The following MDGA2 variants were observed in gnomAD, a reference collection of about 807,000 sequenced individuals.
MDGA2 encodes the protein MAM domain containing glycosylphosphatidylinositol anchor 2.
A neutral mutation model predicts 117.8 loss-of-function variants in MDGA2; 40 were observed. The ratio of observed to expected loss-of-function variants is 0.34; its 90% CI spans 0.26 to 0.44. The LOEUF is 0.44. MDGA2 is among the 20% of genes least tolerant of loss of function. The probability of loss-of-function intolerance (pLI) is 1.00; values close to 1 mark genes in which losing one functional copy is unlikely to be tolerated. For missense variants in MDGA2, 1,123 were observed against 1,250.6 expected (o/e 0.90, Z 1.54); for synonymous variants, 452 against 439.0 (o/e 1.03, Z -0.37).
intron 1 of MDGA2, among the ~76,000 whole-genome samples, chr14:47,322,972 G>A (rs1199194789): frequency 1.3e-5 from 2 of 151,610 alleles, no homozygotes; most frequent in South Asian, 2.1e-4. Context: ...GGTATTAATA[G>A]AAATTCTGTA....
At chr14:47,418,455 T>C (rs1892516929) in intron 1 of MDGA2, among the ~76,000 whole-genome samples, 1 of 152,170 alleles carries the variant, frequency 6.6e-6, no homozygotes, top group Admixed American at 6.5e-5. Flanking sequence ...CAGGCTGTGG[T>C]AGTACCCACT....
chr14:47,496,197 G>A (rs1894277863), intron 1 of MDGA2, among the ~76,000 whole-genome samples: 1 of 152,038 alleles, frequency 6.6e-6, no homozygotes, highest in Non-Finnish European at 1.5e-5. Flanking sequence ...ACAAGCAGGT[G>A]GAAGAAGGAA....
chr14:47,345,911 A>T (rs1020153083), intron 1 of MDGA2, among the ~76,000 whole-genome samples: 3 of 152,082 alleles, frequency 2.0e-5, no homozygotes, highest in Admixed American at 1.3e-4. Flanking sequence ...AAAAAGTAGA[A>T]CAGAGGACAC....
intron 10 of MDGA2, among the ~76,000 whole-genome samples, chr14:46,899,733 C>A (rs1883213340): frequency 6.6e-6 from 1 of 151,952 alleles, no homozygotes; most frequent in Non-Finnish European, 1.5e-5. Context: ...TGCTAGTTGG[C>A]AAAATATAGC....
chr14:46,857,169 A>G (rs975494827), intron 14 of MDGA2, among the ~76,000 whole-genome samples: 1 of 152,226 alleles, frequency 6.6e-6, no homozygotes, highest in Non-Finnish European at 1.5e-5. Flanking sequence ...AAATTATAAG[A>G]AGAAAGGAAA....
chr14:47,315,948 C>A (rs1594791266), intron 1 of MDGA2, among the ~76,000 whole-genome samples: 2 of 146,524 alleles, frequency 1.4e-5, no homozygotes, highest in Admixed American at 6.8e-5. Context: ...AAACAAAAAA[C>A]AAACAAAAAA....
intron 4 of MDGA2, among the ~76,000 whole-genome samples, chr14:47,135,960 T>A (rs963558164): frequency 1.3e-5 from 2 of 152,008 alleles, no homozygotes; most frequent in Non-Finnish European, 2.9e-5. Context: ...TTGGAAAAGG[T>A]CATATTAGAG....
At chr14:47,606,822 G>A (rs1377479332) in intron 1 of MDGA2, among the ~76,000 whole-genome samples, 2 of 152,126 alleles carry the variant, frequency 1.3e-5, no homozygotes, top group Non-Finnish European at 2.9e-5. Flanking sequence ...GAAGCACAGA[G>A]AATTTTGTAA....
intron 3 of MDGA2, among the ~76,000 whole-genome samples, chr14:47,172,154 T>C (rs961838774): frequency 1.3e-5 from 2 of 152,134 alleles, no homozygotes; most frequent in Non-Finnish European, 2.9e-5. Context: ...AAGCTCCGAC[T>C]GGGTGGAGCC....
intron 5 of MDGA2, among the ~76,000 whole-genome samples, chr14:47,131,195 C>T (rs1882187867): frequency 1.3e-5 from 2 of 152,002 alleles, no homozygotes; most frequent in South Asian, 4.1e-4. Context: ...TACCGTTATT[C>T]TGGGGTCTAT....
At chr14:47,003,759 A>AT (rs1411768207) in intron 8 of MDGA2, among the ~76,000 whole-genome samples, 10 of 152,048 alleles carry the variant, frequency 6.6e-5, no homozygotes, top group African/African-American at 2.2e-4. Context: ...TTCAAACAGC[A>AT]GAAGTTTATG....
At chr14:47,573,951 G>A (rs1056299419) in intron 1 of MDGA2, among the ~76,000 whole-genome samples, 1 of 152,074 alleles carries the variant, frequency 6.6e-6, no homozygotes, top group Non-Finnish European at 1.5e-5. Context: ...TCTATGGACT[G>A]CATCAAAAGT....
chr14:47,325,747 TAC>T (rs1163565686), intron 1 of MDGA2, among the ~76,000 whole-genome samples: 1 of 151,774 alleles, frequency 6.6e-6, no homozygotes, highest in Non-Finnish European at 1.5e-5. Flanking sequence ...GATAATGGAG[TAC>T]AGTGAAGAAA....
At chr14:47,271,240 TC>T (rs1888134205) in intron 2 of MDGA2, among the ~76,000 whole-genome samples, 1 of 152,176 alleles carries the variant, frequency 6.6e-6, no homozygotes, top group Non-Finnish European at 1.5e-5. Context: ...TCGAATTCCT[TC>T]TTTTTATTTT....
At chr14:46,916,657 G>A (rs139284267) in intron 10 of MDGA2, among the ~76,000 whole-genome samples, 86 of 152,110 alleles carry the variant, frequency 5.7e-4, no homozygotes, top group Admixed American at 1.4e-3. Context: ...GAAAAAAAGA[G>A]GCGTGTGTCT....
intron 1 of MDGA2, among the ~76,000 whole-genome samples, chr14:47,534,702 C>T (rs2097233283): frequency 6.6e-6 from 1 of 152,178 alleles, no homozygotes; most frequent in Admixed American, 6.5e-5. Context: ...CAGAGCCTAA[C>T]CATATCAGTA....
At chr14:47,376,693 A>C (rs1425565295) in intron 1 of MDGA2, among the ~76,000 whole-genome samples, 4 of 152,120 alleles carry the variant, frequency 2.6e-5, no homozygotes, top group African/African-American at 9.7e-5. Flanking sequence ...CTGACATACA[A>C]CCTCATGCCT....
intron 3 of MDGA2, among the ~76,000 whole-genome samples, chr14:47,188,598 T>C (rs1035982764): frequency 6.6e-6 from 1 of 152,192 alleles, no homozygotes; most frequent in African/African-American, 2.4e-5. Flanking sequence ...AGATAATAAA[T>C]GTTGGTTATT....
At chr14:47,285,173 C>G (rs537586204) in intron 2 of MDGA2, among the ~76,000 whole-genome samples, 5 of 152,224 alleles carry the variant, frequency 3.3e-5, no homozygotes, top group Non-Finnish European at 7.4e-5. Context: ...CTCTCTGCCT[C>G]TAAAGGAATT....
Sources: gnomAD v4.1 joint callset for allele counts (sites outside exome capture counted in the v4.1 genomes callset) on GRCh38, gnomAD v4.1.1 for gene constraint, MANE v1.5 for transcripts, NCBI Gene and HGNC (gene_info 2026-07-23, HGNC 2026-07-21) for gene names.